The following DPP10 variants were observed in gnomAD, a reference collection of about 807,000 sequenced individuals.
DPP10 encodes inactive dipeptidyl peptidase 10.
DPP10 carries 33 observed loss-of-function variants against 120.9 expected under a neutral mutation model. The observed-to-expected ratio is 0.27, with a 90% CI of 0.21 to 0.37. DPP10 has a LOEUF of 0.37. DPP10 is among the 10% of genes least tolerant of loss of function. The probability of loss-of-function intolerance (pLI) is 1.00; values close to 1 mark genes in which losing one functional copy is unlikely to be tolerated. For synonymous variants in DPP10, 337 were observed against 326.1 expected, an observed-to-expected ratio of 1.03 and a Z score of -0.36; for missense variants, 816 against 942.8, an observed-to-expected ratio of 0.87 and a Z score of 1.76.
intron 3 of DPP10, among the ~76,000 whole-genome samples, chr2:115,363,651 T>A (rs1218548231): frequency 1.3e-5 from 2 of 152,230 alleles, no homozygotes; most frequent in African/African-American, 4.8e-5. Context: ...TCTAAAGGCA[T>A]TGTGAGCATC....
At chr2:114,649,830 A>G (rs1053518863) in intron 1 of DPP10, among the ~76,000 whole-genome samples, 4 of 151,506 alleles carry the variant, frequency 2.6e-5, no homozygotes, top group African/African-American at 9.7e-5. Flanking sequence ...TTTTTTCATC[A>G]TTGATCTTTA....
intron 2 of DPP10, among the ~76,000 whole-genome samples, chr2:115,310,219 A>G (rs1241190653): frequency 6.6e-6 from 1 of 152,158 alleles, no homozygotes; most frequent in Non-Finnish European, 1.5e-5. Flanking sequence ...TGATATTTTT[A>G]AATTATAGCC....
intron 5 of DPP10, among the ~76,000 whole-genome samples, chr2:115,583,219 T>A (rs1039206613): frequency 6.6e-6 from 1 of 152,232 alleles, no homozygotes; most frequent in African/African-American, 2.4e-5. Context: ...TTTAGAATTA[T>A]TTGCACTCAG....
At chr2:114,569,338 C>T (rs1184629905) in intron 1 of DPP10, among the ~76,000 whole-genome samples, 1 of 152,192 alleles carries the variant, frequency 6.6e-6, no homozygotes, top group Non-Finnish European at 1.5e-5. Flanking sequence ...CTAAGTCATT[C>T]CCCGAGGGAA....
intron 7 of DPP10, among the ~76,000 whole-genome samples, chr2:115,695,085 T>C (rs994405416): frequency 6.6e-6 from 1 of 152,182 alleles, no homozygotes; most frequent in Admixed American, 6.5e-5. Context: ...TTTCCTACTC[T>C]TCATTTTTCT....
At chr2:114,764,236 T>G (rs1680517055) in intron 1 of DPP10, among the ~76,000 whole-genome samples, 1 of 151,260 alleles carries the variant, frequency 6.6e-6, no homozygotes, top group African/African-American at 2.4e-5. Flanking sequence ...GTGCTTGACA[T>G]AGCTCACTGT....
intron 3 of DPP10, among the ~76,000 whole-genome samples, chr2:115,455,225 A>G (rs1016129554): frequency 6.6e-6 from 1 of 151,884 alleles, no homozygotes; most frequent in South Asian, 2.1e-4. Context: ...GAAGATGGCA[A>G]TTCTCCCAAA....
At chr2:115,301,411 A>G (rs1288470781) in intron 1 of DPP10, among the ~76,000 whole-genome samples, 1 of 151,912 alleles carries the variant, frequency 6.6e-6, no homozygotes, top group Non-Finnish European at 1.5e-5. Context: ...GAACTTTGCA[A>G]AATAAGTTCC....
chr2:115,578,968 C>G lies in DPP10; in HGVS notation c.441+52996C>G, dbSNP rs529066522. 2.1e-4 allele frequency: 32 copies of G among 152,292 alleles called. No homozygotes were observed. In the East Asian group the frequency reaches 5.8e-3, roughly 28 times the overall value. The allele number at this position is 152,292 out of a possible 1,614,324, so 9.4% of individuals were successfully genotyped here. A position where few individuals can be genotyped will look rare whatever the true frequency, so the allele number is the denominator to read the frequency against. On this transcript the variant is annotated intron_variant, in intron 5 of 25. Transcript: ENST00000410059. ...CTGGAAACCTACACAATATCAAGCC[C>G]GCTTCCTCACCCCAAGTGATTTTAA...
intron 3 of DPP10, among the ~76,000 whole-genome samples, chr2:115,484,139 A>AC (rs56216018): frequency 3.5e-4 from 50 of 143,766 alleles, no homozygotes; most frequent in African/African-American, 1.4e-3. Context: ...CCACCAGTAC[A>AC]CCCCCCCCCC....
chr2:114,833,087 A>G (rs1056246959), intron 1 of DPP10, among the ~76,000 whole-genome samples: 5 of 152,144 alleles, frequency 3.3e-5, no homozygotes, highest in Non-Finnish European at 7.4e-5. Context: ...TGTGGATTAA[A>G]ATCTTGGCAT....
chr2:115,619,734 A>G (rs780974647), intron 5 of DPP10, among the ~76,000 whole-genome samples: 1 of 152,164 alleles, frequency 6.6e-6, no homozygotes, highest in Admixed American at 6.5e-5. Context: ...GTGGACTTCT[A>G]TCACAACACC....
At chr2:115,777,361 A>G in intron 14 of DPP10, 62 bp downstream of exon 14, 2 of 1,427,598 alleles carry the variant, frequency 1.4e-6, no homozygotes, top group Non-Finnish European at 2.0e-6. Flanking sequence ...CATCTTTTCT[A>G]ATAGAATTAT....
At chr2:115,038,990 G>A (rs1704438334) in intron 1 of DPP10, among the ~76,000 whole-genome samples, 1 of 152,164 alleles carries the variant, frequency 6.6e-6, no homozygotes, top group African/African-American at 2.4e-5. Context: ...AGGCAAACAG[G>A]AGGGTCAATG....
chr2:115,218,300 G>A (rs1332072788), intron 1 of DPP10, among the ~76,000 whole-genome samples: 1 of 152,054 alleles, frequency 6.6e-6, no homozygotes, highest in South Asian at 2.1e-4. Context: ...AAGAAACAAC[G>A]ATTTGATTCT....
At chr2:115,227,924 C>CTT (rs70941034) in intron 1 of DPP10, among the ~76,000 whole-genome samples, 19 of 120,458 alleles carry the variant, frequency 1.6e-4, no homozygotes, top group African/African-American at 5.1e-4. Context: ...CTTTTTTTTC[C>CTT]TTTTTTTTTT....
intron 2 of DPP10, among the ~76,000 whole-genome samples, chr2:115,324,963 G>A (rs1266997113): frequency 1.3e-5 from 2 of 152,078 alleles, no homozygotes; most frequent in East Asian, 3.9e-4. Context: ...TGATGTCACG[G>A]TTAGAACACG....
chr2:115,014,557 C>T (rs1258281537), intron 1 of DPP10, among the ~76,000 whole-genome samples: 1 of 151,920 alleles, frequency 6.6e-6, no homozygotes, highest in Non-Finnish European at 1.5e-5. Context: ...AATCCAGGAG[C>T]TGGTTTTTAT....
chr2:114,763,031 G>A (rs1680413903), intron 1 of DPP10, among the ~76,000 whole-genome samples: 1 of 152,116 alleles, frequency 6.6e-6, no homozygotes, highest in Non-Finnish European at 1.5e-5. Flanking sequence ...GGTGTTTGAA[G>A]GGCTGAGTCC....
Sources: gnomAD v4.1 joint callset for allele counts (sites outside exome capture counted in the v4.1 genomes callset) on GRCh38, gnomAD v4.1.1 for gene constraint, MANE v1.5 for transcripts, NCBI Gene and HGNC (gene_info 2026-07-23, HGNC 2026-07-21) for gene names.